TEKTL1: variants seen among roughly 807,000 people sequenced by gnomAD.
The protein encoded by TEKTL1 is tektin-like protein 1.
the TEKTL1 span, chr19:15,013,671 G>A: frequency 6.2e-7 from 1 of 1,610,140 alleles, no homozygotes; most frequent in East Asian, 2.2e-5. Flanking sequence ...TCGTTTTCTA[G>A]GTCCCTGACA....
chr19:15,017,459 G>A, the TEKTL1 span, among the ~76,000 whole-genome samples: 9 of 152,110 alleles, frequency 5.9e-5, no homozygotes, highest in Non-Finnish European at 1.2e-4. Context: ...ATTTTATTGT[G>A]GAGGAAGTAA....
the TEKTL1 span, chr19:15,023,061 T>G: frequency 2.5e-6 from 4 of 1,611,768 alleles, no homozygotes; most frequent in East Asian, 8.9e-5. Context: ...CAGCGCCTGG[T>G]TAAGGACTGG....
At chr19:15,018,461 C>A in the TEKTL1 span, among the ~76,000 whole-genome samples, 1 of 151,420 alleles carries the variant, frequency 6.6e-6, no homozygotes, top group Non-Finnish European at 1.5e-5. Context: ...GTAATTCCAG[C>A]ATTTTGAGAG....
At chr19:15,022,762 GT>G in the TEKTL1 span, 7 of 1,076,002 alleles carry the variant, frequency 6.5e-6, no homozygotes, top group Non-Finnish European at 9.0e-6. Flanking sequence ...ATTCAGATGT[GT>G]TCCCCTCCTC....
the TEKTL1 span, among the ~76,000 whole-genome samples, chr19:15,017,711 C>T: frequency 1.3e-5 from 2 of 152,130 alleles, no homozygotes; most frequent in African/African-American, 2.4e-5. Flanking sequence ...GCTCTTTTCT[C>T]AGGGTGCCAG....
At chr19:15,021,645 G>T in the TEKTL1 span, 17 of 1,614,026 alleles carry the variant, frequency 1.1e-5, no homozygotes, top group Non-Finnish European at 1.1e-5. Flanking sequence ...TAGGACTGAT[G>T]AGGGGAACTA....
the TEKTL1 span, among the ~76,000 whole-genome samples, chr19:15,014,088 G>A: frequency 6.6e-6 from 1 of 152,198 alleles, no homozygotes; most frequent in Non-Finnish European, 1.5e-5. Flanking sequence ...GACCCAGAGA[G>A]AGACCTCACC....
the TEKTL1 span, among the ~76,000 whole-genome samples, chr19:15,020,102 G>C: frequency 0.034 from 5,146 of 151,738 alleles, 114 homozygotes; most frequent in African/African-American, 0.072. Flanking sequence ...GAAGCCAGGA[G>C]TTCAAGACCA....
chr19:15,012,483 G>A, the TEKTL1 span, among the ~76,000 whole-genome samples: 1 of 152,108 alleles, frequency 6.6e-6, no homozygotes, highest in Non-Finnish European at 1.5e-5. Flanking sequence ...GATTGTTTGA[G>A]CTCAGGAGTT....
chr19:15,010,942 C>T, the TEKTL1 span: 1 of 1,587,524 alleles, frequency 6.3e-7, no homozygotes. Context: ...CCGATCGCTG[C>T]GGGCAGGAGG....
At chr19:15,021,512 A>T in the TEKTL1 span, 1 of 1,614,058 alleles carries the variant, frequency 6.2e-7, no homozygotes, top group South Asian at 1.1e-5. Flanking sequence ...GAGACCTTGG[A>T]GCTGAAGGTG....
chr19:15,010,921 G>A, the TEKTL1 span: 1 of 1,578,358 alleles, frequency 6.3e-7, no homozygotes, highest in Non-Finnish European at 8.6e-7. Flanking sequence ...CGAGGACCGC[G>A]CACATTCTGA....
the TEKTL1 span, among the ~76,000 whole-genome samples, chr19:15,014,738 C>CG: frequency 5.8e-3 from 172 of 29,812 alleles, 6 homozygotes; most frequent in Middle Eastern, 0.019. Context: ...GGGCGGGGGG[C>CG]GGGGGCTGCT....
chr19:15,021,608 G>GC, the TEKTL1 span: 1 of 1,613,982 alleles, frequency 6.2e-7, no homozygotes, highest in Non-Finnish European at 8.5e-7. Context: ...GCGCTTCCCT[G>GC]CCCCCAGGAA....
At chr19:15,011,056 G>A in the TEKTL1 span, 1 of 1,577,782 alleles carries the variant, frequency 6.3e-7, no homozygotes, top group Non-Finnish European at 8.6e-7. Flanking sequence ...GCGTGGAGAT[G>A]ATCAAAGGCG....
At chr19:15,011,757 T>TC in the TEKTL1 span, among the ~76,000 whole-genome samples, 138 of 148,728 alleles carry the variant, frequency 9.3e-4, 2 homozygotes, top group African/African-American at 3.3e-3. Flanking sequence ...AAAAAATATT[T>TC]CCATAGAGAG....
the TEKTL1 span, chr19:15,013,659 C>T: frequency 1.3e-6 from 2 of 1,597,410 alleles, no homozygotes; most frequent in Non-Finnish European, 1.7e-6. Flanking sequence ...GGGATTCTCT[C>T]CTCGTTTTCT....
chr19:15,011,036 T>C, the TEKTL1 span: 1 of 1,579,138 alleles, frequency 6.3e-7, no homozygotes, highest in African/African-American at 1.3e-5. Flanking sequence ...CATCCAGCCC[T>C]GGCGCTTCCG....
At chr19:15,015,429 T>C in the TEKTL1 span, among the ~76,000 whole-genome samples, 1 of 152,204 alleles carries the variant, frequency 6.6e-6, no homozygotes. Flanking sequence ...CTTCTCTTCC[T>C]TTAGTCCTCT....
Sources: allele counts gnomAD v4.1 joint callset (sites outside exome capture counted in the v4.1 genomes callset), GRCh38; gene constraint gnomAD v4.1.1; transcripts MANE v1.5; gene names NCBI Gene and HGNC (gene_info 2026-07-23, HGNC 2026-07-21).